The following RAB3GAP2 variants were observed in gnomAD, a reference collection of about 807,000 sequenced individuals.
RAB3GAP2 encodes the protein RAB3 GTPase activating non-catalytic protein subunit 2.
Under a neutral mutation model 185.3 loss-of-function variants are expected in RAB3GAP2, and 87 were observed. The ratio of observed to expected loss-of-function variants is 0.47; its 90% confidence interval spans 0.39 to 0.56. The LOEUF is 0.56. Among genes scored for constraint, RAB3GAP2 ranks in the 20% least tolerant of loss-of-function variants. RAB3GAP2 has a pLI of 0.00. For missense variants in RAB3GAP2, 1,492 were observed against 1,638.2 expected, an observed-to-expected ratio of 0.91 and a Z score of 1.54; for synonymous variants, 554 against 576.1, an observed-to-expected ratio of 0.96 and a Z score of 0.55.
At chr1:220,157,556 G>T in intron 30 of RAB3GAP2, 68 bp from the exon 31 acceptor site, 1 of 1,502,430 alleles carries the variant, frequency 6.7e-7, no homozygotes, top group South Asian at 1.1e-5. Context: ...ATATCCCAAT[G>T]AGTTTATTAG....
At chr1:220,224,501 C>A (rs1384712430) in intron 2 of RAB3GAP2, among the ~76,000 whole-genome samples, 1 of 151,792 alleles carries the variant, frequency 6.6e-6, no homozygotes, top group Non-Finnish European at 1.5e-5. Context: ...TATGGAAAAA[C>A]CTCCAAATTA....
chr1:220,268,103 T>C (rs1370912458), intron 1 of RAB3GAP2, among the ~76,000 whole-genome samples: 1 of 152,264 alleles, frequency 6.6e-6, no homozygotes. Context: ...GATGATCTCA[T>C]GATTTCTGCT....
chr1:220,190,941 C>T, intron 14 of RAB3GAP2, 127 bp downstream of exon 14: 1 of 959,772 alleles, frequency 1.0e-6, no homozygotes, highest in East Asian at 2.5e-5. Context: ...CAGGAAAAAC[C>T]ACAATAAAGA....
intron 1 of RAB3GAP2, among the ~76,000 whole-genome samples, chr1:220,271,985 G>A (rs535814742): frequency 6.6e-6 from 1 of 152,106 alleles, no homozygotes; most frequent in East Asian, 1.9e-4. Flanking sequence ...ACAAGACGCA[G>A]TTTTTAGCCA....
At chr1:220,268,036 T>C (rs1660259337) in intron 1 of RAB3GAP2, 11 of 493,676 alleles carry the variant, frequency 2.2e-5, no homozygotes. Context: ...TTTTTACATA[T>C]CCTCTAGAGA....
chr1:220,249,337 A>C (rs1039217169), intron 1 of RAB3GAP2, among the ~76,000 whole-genome samples: 1 of 152,186 alleles, frequency 6.6e-6, no homozygotes, highest in Admixed American at 6.5e-5. Context: ...AGGAGATGAC[A>C]AACTTCTTGG....
In RAB3GAP2 at chr1:220,151,632, T is replaced by G; in HGVS notation, c.4000A>C (p.Thr1334Pro). 1 of 1,612,246 alleles carries G rather than the reference T, an allele frequency of 6.2e-7. No individual in the cohort carries two copies. The highest frequency in any genetic ancestry group is 8.5e-7 in the Non-Finnish European group (1 of 1,178,258). The change falls in exon 34 of 35, where the codon ACA becomes CCA. Residue 1334 changes from threonine (T) to proline (P), a missense_variant. Thr to Pro is a conservative substitution (Grantham distance 38, BLOSUM62 -1). This residue lies in a region of RAB3GAP2 where 387 missense variants were observed against 455.3 expected (regional missense o/e 0.85). Coordinates refer to ENST00000358951, the MANE Select transcript of RAB3GAP2 (RefSeq NM_012414.4). ...ATTGCTTTCAGCCAAGTACACAGTGTGGGTGGAAGTCTGGCAAGCAGCTCC... is the reference window on the plus strand; with the variant it reads ...ATTGCTTTCAGCCAAGTACACAGTGGGGGTGGAAGTCTGGCAAGCAGCTCC... ...GMELLARLPP[T>P]LCTWLKAMDP... is the part of the protein sequence containing the mutation.
chr1:220,199,320 C>G (rs753311036), intron 9 of RAB3GAP2, among the ~76,000 whole-genome samples: 1 of 150,872 alleles, frequency 6.6e-6, no homozygotes, highest in South Asian at 2.2e-4. Context: ...AATGGAGATA[C>G]TGGGAATCTA....
intron 1 of RAB3GAP2, among the ~76,000 whole-genome samples, chr1:220,251,219 A>G (rs1255969808): frequency 6.6e-6 from 1 of 152,240 alleles, no homozygotes; most frequent in Non-Finnish European, 1.5e-5. Context: ...TTTCCACCTT[A>G]GATTTCACAC....
chr1:220,204,166 T>C (rs979692203), intron 8 of RAB3GAP2, among the ~76,000 whole-genome samples: 5 of 152,126 alleles, frequency 3.3e-5, no homozygotes, highest in African/African-American at 1.2e-4. Context: ...AAATCCAGCA[T>C]CTCATATTGC....
rs1415234496 is a variant in RAB3GAP2, at chr1:220,205,932, A to G, written c.687T>C (p.Arg229=). Residue 229 remains arginine (R), a synonymous_variant, in exon 8 of 35, where the codon CGT becomes CGC. Coordinates refer to ENST00000358951, the MANE Select transcript of RAB3GAP2 (RefSeq NM_012414.4). ...CTTTTGCTACCTGATTTCGACAAGCACGAAGAGATTGAAAAAGGCTAAATC... is the reference window on the plus strand; with the variant it reads ...CTTTTGCTACCTGATTTCGACAAGCGCGAAGAGATTGAAAAAGGCTAAATC... ...IDGFSLFQSL[R]ACRNQVAKAA... is the part of the protein sequence containing the mutation. 1 of 1,609,284 alleles carries G rather than the reference A, an allele frequency of 6.2e-7. No individual in the cohort carries two copies. The highest frequency in any genetic ancestry group is 1.7e-5 in the Admixed American group (1 of 60,006).
chr1:220,174,019 CAAAAAA>C (rs398050108), intron 21 of RAB3GAP2, among the ~76,000 whole-genome samples: 1 of 51,002 alleles, frequency 2.0e-5, no homozygotes, highest in African/African-American at 7.5e-5. Flanking sequence ...GACTCTGTCT[CAAAAAA>C]AAAAAAAAAA....
At chr1:220,237,816 C>T (rs575530385) in intron 1 of RAB3GAP2, among the ~76,000 whole-genome samples, 84 of 151,072 alleles carry the variant, frequency 5.6e-4, no homozygotes, top group African/African-American at 2.0e-3. Context: ...TTGAAGAGCA[C>T]TGTCTAATAG....
chr1:220,179,623 C>T (rs1444158205), intron 21 of RAB3GAP2, among the ~76,000 whole-genome samples: 1 of 152,110 alleles, frequency 6.6e-6, no homozygotes, highest in African/African-American at 2.4e-5. Context: ...ATGTTAGCCA[C>T]AAAACAATTC....
intron 28 of RAB3GAP2, among the ~76,000 whole-genome samples, chr1:220,159,862 C>T (rs1018825244): frequency 6.6e-6 from 1 of 151,778 alleles, no homozygotes; most frequent in African/African-American, 2.4e-5. Flanking sequence ...ACTAAAAATA[C>T]AAAAATTAGC....
rs113061452 is a variant in RAB3GAP2 at position 220,187,431 on chromosome 1, C to G, written c.1780-1690G>C. 6.6e-3 allele frequency among the ~76,000 whole-genome samples: 1,010 copies of G among 152,200 alleles called. 8 individuals are homozygous for G. Among genetic ancestry groups the G allele is most frequent in the Non-Finnish European group, 0.01 (704 of 68,020 alleles). ...AGAAGCTTCTTTTTTTCTAATGAGG[C>G]CACTCATGGCAGGCTCCTGGAGAGC... On this transcript the variant is annotated intron_variant, in intron 17 of 34. Transcript: ENST00000358951.
chr1:220,190,638 C>G, intron 14 of RAB3GAP2, 118 bp from the exon 15 acceptor site: 1 of 988,454 alleles, frequency 1.0e-6, no homozygotes, highest in Non-Finnish European at 1.6e-6. Flanking sequence ...ATTAATAAGG[C>G]AACTAAATAC....
intron 24 of RAB3GAP2, among the ~76,000 whole-genome samples, chr1:220,170,329 A>T (rs1284966104): frequency 6.6e-6 from 1 of 152,116 alleles, no homozygotes; most frequent in Non-Finnish European, 1.5e-5. Flanking sequence ...TGATGGGTTG[A>T]TGGGTGCAGC....
At chr1:220,199,102 TA>T (rs1308253150) in intron 9 of RAB3GAP2, among the ~76,000 whole-genome samples, 3 of 151,882 alleles carry the variant, frequency 2.0e-5, no homozygotes, top group Non-Finnish European at 4.4e-5. Flanking sequence ...AGAGGTACCA[TA>T]AGCCAGATAA....
Sources: allele counts gnomAD v4.1 joint callset (sites outside exome capture counted in the v4.1 genomes callset), GRCh38; gene constraint gnomAD v4.1.1; regional missense constraint gnomAD v4.1.1; transcripts MANE v1.5; gene names NCBI Gene and HGNC (gene_info 2026-07-23, HGNC 2026-07-21).